The following PIGV variants were observed in gnomAD, a reference collection of about 807,000 sequenced individuals.
The protein encoded by PIGV is GPI alpha-1,6-mannosyltransferase 2.
In PIGV, 27 loss-of-function variants were observed where a neutral mutation model predicts 39.2. The ratio of observed to expected loss-of-function variants is 0.69; its 90% CI spans 0.51 to 0.95. The LOEUF (loss-of-function observed/expected upper bound fraction) is 0.95. Among genes scored for constraint, PIGV ranks in the 40% least tolerant of loss-of-function variants. The probability of loss-of-function intolerance (pLI) is 0.00; values close to 1 mark genes in which losing one functional copy is unlikely to be tolerated. For synonymous variants in PIGV, 232 were observed against 241.7 expected (o/e 0.96, Z 0.37); for missense variants, 523 against 586.4 (o/e 0.89, Z 1.12).
At chr1:26,792,549 G>A (rs1169937820) in intron 2 of PIGV, among the ~76,000 whole-genome samples, 2 of 151,946 alleles carry the variant, frequency 1.3e-5, no homozygotes, top group South Asian at 4.1e-4. Flanking sequence ...GGCTGGTCTC[G>A]AACTCCTGAC....
intron 2 of PIGV, among the ~76,000 whole-genome samples, chr1:26,793,571 T>C (rs981069997): frequency 1.3e-5 from 2 of 152,188 alleles, no homozygotes; most frequent in African/African-American, 4.8e-5. Flanking sequence ...AGCCTTCAGA[T>C]GTTAACATGT....
Position 26,798,218 on chromosome 1 carries a change from A to C in PIGV, c.*374A>C, listed in dbSNP as rs1343356322. ...AATTTCATCAAAGGCATTAGCTGACAGGCTGGTAACAGTCCACACAAGATG... is the reference window on the plus strand; with the variant it reads ...AATTTCATCAAAGGCATTAGCTGACCGGCTGGTAACAGTCCACACAAGATG... On this transcript the variant is annotated 3_prime_UTR_variant, in exon 4 of 4. Transcript: ENST00000674202. 1 of 330,480 alleles carries C rather than the reference A, an allele frequency of 3.0e-6. No homozygotes were observed. The highest frequency in any genetic ancestry group is 4.5e-5 in the Admixed American group (1 of 22,424). The allele number at this position is 330,480 out of a possible 1,614,324, so 20.5% of individuals were successfully genotyped here.
chr1:26,797,547 C>T lies in PIGV; in HGVS notation c.1201-16C>T, dbSNP rs750623029. ...TTCCAGTAAATGTCTGGATATTCCC[C>T]TCTCATGATTTCTAGGTTCTCACCA... is the stretch of plus-strand genomic sequence containing the variant. On this transcript the variant is annotated splice_polypyrimidine_tract_variant and intron_variant, in intron 3 of 3. Transcript: ENST00000674202. The T allele has an allele frequency of 6.2e-7, 1 of 1,611,742 alleles. No individual in the cohort carries two copies.
At position 26,794,906 on chromosome 1, in the gene PIGV, A is replaced by G. The variant is rs147396061; in HGVS notation, c.872A>G (p.Asn291Ser). ...VDKGYRIAEG[N>S]EPPWCFWDVP... is the part of the protein sequence containing the mutation. ...AAGGGCTACCGGATTGCAGAGGGAA[A>G]TGAACCGCCTTGGTGCTTCTGGGAT... The change falls in exon 3 of 4, where the codon AAT becomes AGT. Residue 291 changes from asparagine (N) to serine (S), a missense_variant. Asn to Ser is a conservative substitution (Grantham distance 46, BLOSUM62 1). Coordinates refer to ENST00000674202, the MANE Select transcript of PIGV (RefSeq NM_017837.4). 7.1e-5 allele frequency: 114 copies of G among 1,614,212 alleles called. No individual in the cohort carries two copies. The African/African-American group carries it at 1.4e-3, about 20-fold the overall frequency.
Position 26,798,515 on chromosome 1 carries a change from G to A in PIGV, c.*671G>A, listed in dbSNP as rs1254701972. 2.0e-5 allele frequency: 3 copies of A among 152,720 alleles called. No homozygotes were observed. Among genetic ancestry groups the A allele is most frequent in the African/African-American group, 4.8e-5 (2 of 41,392 alleles). 9.5% of individuals were successfully genotyped at this position (152,720 alleles called of 1,614,324 possible). On this transcript the variant is annotated 3_prime_UTR_variant, in exon 4 of 4. Coordinates refer to ENST00000674202, the MANE Select transcript of PIGV (RefSeq NM_017837.4). ...CACTTGAGGCCAGGAGTTTGAGACC[G>A]GCCTGGCCAACATGGCAAAACCCCG...
In PIGV at chr1:26,794,912, C is replaced by T. The variant is rs200014772; in HGVS notation, c.878C>T (p.Pro293Leu). Residue 293 changes from proline to leucine, a missense_variant, in exon 3 of 4, where the codon CCG (proline) becomes CTG (leucine). Coordinates refer to ENST00000674202, the MANE Select transcript of PIGV (RefSeq NM_017837.4). The part of the protein sequence containing the change: ...KGYRIAEGNE[P>L]PWCFWDVPLI... ...TACCGGATTGCAGAGGGAAATGAAC[C>T]GCCTTGGTGCTTCTGGGATGTTCCA... 9.3e-6 allele frequency: 15 copies of T among 1,614,020 alleles called. No homozygotes were observed. The highest frequency in any genetic ancestry group is 1.1e-5 in the South Asian group (1 of 91,092).
Position 26,794,623 on chromosome 1 carries a change from G to A in PIGV, c.589G>A (p.Ala197Thr). 1 of 1,614,236 alleles carries A rather than the reference G, an allele frequency of 6.2e-7. No individual in the cohort carries two copies. The highest frequency in any genetic ancestry group is 8.5e-7 in the Non-Finnish European group (1 of 1,180,046). Residue 197 changes from alanine to threonine, a missense_variant, in exon 3 of 4, where the codon GCC (alanine) becomes ACC (threonine). Physicochemically the swap from Ala to Thr is moderately conservative, Grantham distance 58. Transcript: ENST00000674202. Reference sequence around the variant, plus strand: ...AGTCTGGACTAGTGTACTCCTCTTTGCCTTTGCCACTGGGGTACGCTCCAA... The same window carrying A: ...AGTCTGGACTAGTGTACTCCTCTTTACCTTTGCCACTGGGGTACGCTCCAA... ...GRVWTSVLLF[A>T]FATGVRSNGL...
At chr1:26,789,127 A>G (rs1309651226) in intron 1 of PIGV, 1 of 152,240 alleles carries the variant, frequency 6.6e-6, no homozygotes, top group Middle Eastern at 3.1e-3. Context: ...AGGATAGGGA[A>G]GGAGTAGCCG....
At chr1:26,789,775 GT>G (rs1253657472) in intron 1 of PIGV, among the ~76,000 whole-genome samples, 1 of 152,112 alleles carries the variant, frequency 6.6e-6, no homozygotes, top group East Asian at 1.9e-4. Context: ...TCTTCCAGCC[GT>G]CCTCCTTAAA....
In PIGV at chr1:26,795,167, A is replaced by G. The variant is rs1034061662; in HGVS notation, c.1133A>G (p.Gln378Arg). ...EKPDLGFLSP[Q>R]VFVYVVHAAV... is the part of the protein sequence containing the mutation. ...CCCGATCTTGGATTCCTCAGTCCTC[A>G]GGTGTTTGTGTACGTGGTCCACGCT... The change falls in exon 3 of 4, where the codon CAG becomes CGG. Residue 378 changes from glutamine (Q) to arginine (R), a missense_variant. Gln to Arg is a conservative substitution (Grantham distance 43). Transcript: ENST00000674202. 6 of 1,613,890 alleles carry G rather than the reference A, an allele frequency of 3.7e-6. No individual in the cohort carries two copies. In the African/African-American group the frequency reaches 5.3e-5, roughly 14 times the overall value.
intron 2 of PIGV, among the ~76,000 whole-genome samples, chr1:26,793,388 C>G (rs2081337338): frequency 6.6e-6 from 1 of 152,216 alleles, no homozygotes. Flanking sequence ...GTTACTTTCA[C>G]ATTGTTAAAT....
chr1:26,789,764 G>A (rs1192953298), intron 1 of PIGV, among the ~76,000 whole-genome samples: 1 of 152,202 alleles, frequency 6.6e-6, no homozygotes, highest in Non-Finnish European at 1.5e-5. Context: ...AAGAAAAAGA[G>A]TCTTCCAGCC....
Position 26,794,327 on chromosome 1 carries a change from G to C in PIGV, c.293G>C (p.Gly98Ala). The C allele has an allele frequency of 6.2e-7, 1 of 1,614,210 alleles. No individual in the cohort carries two copies. Among genetic ancestry groups the C allele is most frequent in the Non-Finnish European group, 8.5e-7 (1 of 1,180,022 alleles). ...FPGFPLALLV[G>A]TELLRPLRGL... ...GGTTTCCCCTTGGCCCTGCTGGTGG[G>C]GACTGAACTGTTGAGACCCTTACGG... The change falls in exon 3 of 4, where the codon GGG becomes GCG. Residue 98 changes from glycine (G) to alanine (A), a missense_variant. By Grantham distance (60) the Gly-to-Ala change is moderately conservative. Coordinates refer to ENST00000674202, the MANE Select transcript of PIGV (RefSeq NM_017837.4).
Position 26,795,207 on chromosome 1 carries a change from G to C in PIGV, c.1173G>C (p.Leu391=). ...VYVVHAAVLL[L]FGGLCMHVQV... Reference sequence around the variant, plus strand: ...TGGTCCACGCTGCAGTGCTGCTGCTGTTTGGAGGTCTGTGCATGCATGTTC... The same window carrying C: ...TGGTCCACGCTGCAGTGCTGCTGCTCTTTGGAGGTCTGTGCATGCATGTTC... Residue 391 remains leucine (L), a synonymous_variant, in exon 3 of 4, where the codon CTG becomes CTC. Transcript: ENST00000674202. The C allele has an allele frequency of 1.2e-6, 2 of 1,613,910 alleles. No homozygotes were observed. The highest frequency in any genetic ancestry group is 1.7e-6 in the Non-Finnish European group (2 of 1,180,044).
At position 26,799,515 on chromosome 1, in the gene PIGV, A is replaced by T. The variant is rs568804169; in HGVS notation, c.*1671A>T. 6.6e-6 allele frequency among the ~76,000 whole-genome samples: 1 copy of T among 152,330 alleles called. No individual in the cohort carries two copies. Among genetic ancestry groups the T allele is most frequent in the Admixed American group, 6.5e-5 (1 of 15,292 alleles). On this transcript the variant is annotated 3_prime_UTR_variant, in exon 4 of 4. Transcript: ENST00000674202. ...CAGAAACTCTTCAAAACAGATGGGT[A>T]ATCATAAGCAGCTTCTGGAAAGCCT...
upstream of PIGV, among the ~76,000 whole-genome samples, chr1:26,787,273 T>A (rs2081249103): frequency 6.6e-6 from 1 of 151,842 alleles, no homozygotes; most frequent in Non-Finnish European, 1.5e-5. Flanking sequence ...GCCTCTTTTT[T>A]TTTCTTCTTT....
chr1:26,795,774 C>T (rs2081375097), intron 3 of PIGV, among the ~76,000 whole-genome samples: 1 of 145,760 alleles, frequency 6.9e-6, no homozygotes, highest in African/African-American at 2.5e-5. Context: ...AATAGGAGGA[C>T]AGACATTTGA....
rs946539785 is a variant in PIGV, at chr1:26,794,634, T to C, written c.600T>C (p.Thr200=). The part of the protein sequence containing the change: ...WTSVLLFAFA[T]GVRSNGLVSV... ...GTGTACTCCTCTTTGCCTTTGCCAC[T>C]GGGGTACGCTCCAACGGGCTGGTCA... The change falls in exon 3 of 4, where the codon ACT becomes ACC. Residue 200 remains threonine, a synonymous_variant. Coordinates refer to ENST00000674202, the MANE Select transcript of PIGV (RefSeq NM_017837.4). The C allele has an allele frequency of 1.4e-5, 22 of 1,614,130 alleles. No homozygotes were observed. Among genetic ancestry groups the C allele is most frequent in the African/African-American group, 2.7e-5 (2 of 74,938 alleles).
rs934471874 is a variant in PIGV, at chr1:26,800,095, T to C, written c.*2251T>C. Among the ~76,000 whole-genome samples, 1 of 152,088 alleles carries C rather than the reference T, an allele frequency of 6.6e-6. No individual in the cohort carries two copies. Among genetic ancestry groups the C allele is most frequent in the African/African-American group, 2.4e-5 (1 of 41,414 alleles). ...GTCTCAGTTTAACCTTCACACTAGA[T>C]CTCATCATGCCCAGAAACCTTGTAA... is the stretch of plus-strand genomic sequence containing the variant. On this transcript the variant is annotated 3_prime_UTR_variant, in exon 4 of 4. Coordinates refer to ENST00000674202, the MANE Select transcript of PIGV (RefSeq NM_017837.4).
Sources: gnomAD v4.1 joint callset for allele counts (sites outside exome capture counted in the v4.1 genomes callset) on GRCh38, gnomAD v4.1.1 for gene constraint, MANE v1.5 for transcripts, NCBI Gene and HGNC (gene_info 2026-07-23, HGNC 2026-07-21) for gene names.